Variants in POU6F2 observed in about 807,000 individuals in gnomAD.
POU6F2 encodes the protein POU domain, class 6, transcription factor 2.
POU6F2 carries 31 observed loss-of-function variants against 71.3 expected under a neutral mutation model. That is an observed-to-expected ratio of 0.43 (90% CI 0.33 to 0.59). The LOEUF (loss-of-function observed/expected upper bound fraction) is 0.59. POU6F2 is among the 20% of genes least tolerant of loss of function. The pLI, the probability that POU6F2 is intolerant of heterozygous loss-of-function variation, is 0.04. For missense variants in POU6F2, 783 were observed against 856.8 expected, an observed-to-expected ratio of 0.91 and a Z score of 1.07; for synonymous variants, 347 against 355.7, an observed-to-expected ratio of 0.98 and a Z score of 0.27.
intron 2 of POU6F2, among the ~76,000 whole-genome samples, chr7:39,199,403 G>T (rs1206040812): frequency 6.6e-6 from 1 of 152,204 alleles, no homozygotes; most frequent in Admixed American, 6.5e-5. Flanking sequence ...AAAACTCTGT[G>T]CAAGAGTGAA....
At chr7:39,458,581 GA>G (rs1788861586) in intron 8 of POU6F2, among the ~76,000 whole-genome samples, 2 of 152,140 alleles carry the variant, frequency 1.3e-5, no homozygotes, top group Non-Finnish European at 2.9e-5. Context: ...TTGGAATCCA[GA>G]GCACAGCCTC....
At chr7:39,049,172 T>C (rs1201591772) in intron 1 of POU6F2, among the ~76,000 whole-genome samples, 1 of 151,904 alleles carries the variant, frequency 6.6e-6, no homozygotes, top group Non-Finnish European at 1.5e-5. Context: ...TTATTTTCTA[T>C]GTTTTTTTCT....
At chr7:39,437,782 C>T (rs1323579177) in intron 7 of POU6F2, among the ~76,000 whole-genome samples, 1 of 152,128 alleles carries the variant, frequency 6.6e-6, no homozygotes, top group Non-Finnish European at 1.5e-5. Flanking sequence ...CCCCCCTTAA[C>T]ACTGCCTTAG....
intron 5 of POU6F2, among the ~76,000 whole-genome samples, chr7:39,354,461 G>A (rs779686061): frequency 2.0e-5 from 3 of 152,186 alleles, no homozygotes; most frequent in Non-Finnish European, 4.4e-5. Context: ...TGTCACAAGA[G>A]AGGAAGAAGA....
At chr7:39,359,600 A>G (rs1209732450) in intron 5 of POU6F2, among the ~76,000 whole-genome samples, 1 of 152,192 alleles carries the variant, frequency 6.6e-6, no homozygotes, top group Non-Finnish European at 1.5e-5. Flanking sequence ...ATAGGGAGAC[A>G]TAGCAAAAAG....
chr7:39,312,565 C>T (rs1224632143), intron 4 of POU6F2, among the ~76,000 whole-genome samples: 1 of 152,216 alleles, frequency 6.6e-6, no homozygotes, highest in Non-Finnish European at 1.5e-5. Context: ...CCTGAAACCG[C>T]AAGTAGCATC....
At chr7:39,428,371 A>C (rs1378054831) in intron 6 of POU6F2, among the ~76,000 whole-genome samples, 1 of 152,248 alleles carries the variant, frequency 6.6e-6, no homozygotes. Context: ...TTTAGGTCAC[A>C]AATTATTATT....
At chr7:39,319,009 G>T (rs1785329641) in intron 4 of POU6F2, among the ~76,000 whole-genome samples, 1 of 152,130 alleles carries the variant, frequency 6.6e-6, no homozygotes, top group African/African-American at 2.4e-5. Context: ...GGATGTGGTG[G>T]TGCATGCAGG....
chr7:38,980,673 T>G (rs373965079), intron 1 of POU6F2, among the ~76,000 whole-genome samples: 1 of 152,226 alleles, frequency 6.6e-6, no homozygotes, highest in Non-Finnish European at 1.5e-5. Context: ...TTGTTTCTGC[T>G]CAAATACGTT....
At chr7:39,088,835 G>A (rs967133124) in intron 2 of POU6F2, among the ~76,000 whole-genome samples, 16 of 152,154 alleles carry the variant, frequency 1.1e-4, no homozygotes, top group Non-Finnish European at 1.5e-5. Context: ...CAAATTAGCA[G>A]TCCAGAGGAC....
At chr7:39,193,218 C>A (rs566370403) in intron 2 of POU6F2, among the ~76,000 whole-genome samples, 1 of 151,844 alleles carries the variant, frequency 6.6e-6, no homozygotes, top group Non-Finnish European at 1.5e-5. Context: ...AAGACGATTG[C>A]GGGGGGTGCT....
chr7:39,262,554 C>A (rs911830532), intron 4 of POU6F2, among the ~76,000 whole-genome samples: 1 of 152,078 alleles, frequency 6.6e-6, no homozygotes, highest in African/African-American at 2.4e-5. Context: ...TGTGCTCCTT[C>A]TTTTTATAAA....
intron 4 of POU6F2, among the ~76,000 whole-genome samples, chr7:39,311,513 G>A (rs554192378): frequency 9.2e-5 from 14 of 152,234 alleles, no homozygotes; most frequent in African/African-American, 3.1e-4. Flanking sequence ...TGTTTTTATC[G>A]CTGATTTGTC....
chr7:39,054,050 C>T (rs1349800067), intron 1 of POU6F2, among the ~76,000 whole-genome samples: 2 of 151,418 alleles, frequency 1.3e-5, no homozygotes, highest in African/African-American at 2.4e-5. Context: ...TGCAGTGAGC[C>T]GAGATCATGC....
intron 7 of POU6F2, among the ~76,000 whole-genome samples, chr7:39,442,964 G>C (rs906203932): frequency 1.3e-5 from 2 of 152,124 alleles, no homozygotes; most frequent in African/African-American, 4.8e-5. Flanking sequence ...CCAGGAGAAA[G>C]GCCTAACCAA....
chr7:39,098,468 G>C (rs551033066), intron 2 of POU6F2, among the ~76,000 whole-genome samples: 4 of 151,560 alleles, frequency 2.6e-5, no homozygotes, highest in African/African-American at 4.9e-5. Context: ...TGCAAGAGAG[G>C]GGGGGTCTCA....
At chr7:39,179,550 C>CAT (rs1491155442) in intron 2 of POU6F2, among the ~76,000 whole-genome samples, 34 of 152,278 alleles carry the variant, frequency 2.2e-4, no homozygotes, top group East Asian at 7.7e-4. Flanking sequence ...CACACACACA[C>CAT]GCACACAGTC....
chr7:39,255,484 A>G (rs1264645201), intron 4 of POU6F2, among the ~76,000 whole-genome samples: 1 of 152,220 alleles, frequency 6.6e-6, no homozygotes, highest in Non-Finnish European at 1.5e-5. Context: ...CTGGTGTCAC[A>G]TGAAGAAGCT....
intron 2 of POU6F2, among the ~76,000 whole-genome samples, chr7:39,098,062 A>G (rs1405447843): frequency 6.6e-6 from 1 of 152,124 alleles, no homozygotes; most frequent in African/African-American, 2.4e-5. Context: ...GTGGAACACA[A>G]TTGCTCTTCT....
Sources: gnomAD v4.1 joint callset for allele counts (sites outside exome capture counted in the v4.1 genomes callset) on GRCh38, gnomAD v4.1.1 for gene constraint, MANE v1.5 for transcripts, NCBI Gene and HGNC (gene_info 2026-07-23, HGNC 2026-07-21) for gene names.